Variants in PANX1 observed in about 807,000 individuals in gnomAD.
PANX1 encodes pannexin-1.
PANX1 carries 30 observed loss-of-function variants against 38.7 expected under a neutral mutation model. That is an observed-to-expected ratio of 0.78 (90% CI 0.58 to 1.05). The LOEUF is 1.05. Among genes scored for constraint, PANX1 ranks in the 50% least tolerant of loss-of-function variants. The pLI is 0.00. For missense variants in PANX1, 551 were observed against 517.2 expected (o/e 1.07, Z -0.63); for synonymous variants, 230 against 212.2 (o/e 1.08, Z -0.73).
chr11:94,161,150 C>T (rs1004569501), intron 2 of PANX1, among the ~76,000 whole-genome samples: 5 of 152,274 alleles, frequency 3.3e-5, no homozygotes, highest in Middle Eastern at 3.4e-3. Context: ...CTCTGGCTGC[C>T]CTTAACATTT....
intron 1 of PANX1, among the ~76,000 whole-genome samples, chr11:94,142,304 A>T (rs1460541397): frequency 6.6e-6 from 1 of 152,160 alleles, no homozygotes; most frequent in Non-Finnish European, 1.5e-5. Flanking sequence ...GTCATTAGGA[A>T]CATGGGTGTA....
chr11:94,135,876 T>C (rs911124867), intron 1 of PANX1, among the ~76,000 whole-genome samples: 2 of 152,254 alleles, frequency 1.3e-5, no homozygotes, highest in Non-Finnish European at 2.9e-5. Context: ...AGTGGCTTGC[T>C]TTTTCTCACT....
At chr11:94,160,922 G>T (rs1421687356) in intron 2 of PANX1, among the ~76,000 whole-genome samples, 1 of 152,060 alleles carries the variant, frequency 6.6e-6, no homozygotes, top group Non-Finnish European at 1.5e-5. Context: ...CAGGCCTGGT[G>T]GTGACAAAAT....
chr11:94,148,467 G>GTGCT (rs1278129575), intron 1 of PANX1, among the ~76,000 whole-genome samples: 4 of 152,222 alleles, frequency 2.6e-5, no homozygotes, highest in Non-Finnish European at 5.9e-5. Context: ...ATCCTTCTGA[G>GTGCT]TGCTTGTTGG....
In PANX1 at chr11:94,178,313, A is replaced by G. The variant is rs1417412564; in HGVS notation, c.322-56A>G. The G allele has an allele frequency of 6.7e-6, 9 of 1,334,214 alleles. No homozygotes were observed. In the East Asian group the frequency reaches 1.8e-4, roughly 27 times the overall value. The allele number at this position is 1,334,214 out of a possible 1,614,324, so 82.6% of individuals were successfully genotyped here. ...GAAAATGAGAGCATCACTTGGCGCC[A>G]TAGGTTACTGCATGGGGGGTTTGTT... is the stretch of plus-strand genomic sequence containing the variant. On this transcript the variant is annotated intron_variant, in intron 2 of 4. Coordinates refer to ENST00000227638, the MANE Select transcript of PANX1 (RefSeq NM_015368.4).
At chr11:94,154,718 TTGTG>T (rs1055640048) in intron 2 of PANX1, among the ~76,000 whole-genome samples, 109 of 152,090 alleles carry the variant, frequency 7.2e-4, no homozygotes, top group African/African-American at 2.5e-3. Flanking sequence ...AGTCAAAAAT[TTGTG>T]TGTAACATTT....
intron 1 of PANX1, among the ~76,000 whole-genome samples, chr11:94,153,095 A>G (rs528235757): frequency 6.6e-6 from 1 of 151,888 alleles, no homozygotes; most frequent in East Asian, 1.9e-4. Context: ...TTTTAGTCCA[A>G]TTTTCCGCAT....
chr11:94,148,077 T>C (rs936166119), intron 1 of PANX1, among the ~76,000 whole-genome samples: 4 of 152,146 alleles, frequency 2.6e-5, no homozygotes, highest in African/African-American at 7.2e-5. Context: ...AAAAGAAGTA[T>C]TTCAATTCCA....
At chr11:94,178,768 A>G (rs1195939924) in intron 3 of PANX1, among the ~76,000 whole-genome samples, 176 bp downstream of exon 3, 5 of 151,960 alleles carry the variant, frequency 3.3e-5, no homozygotes, top group Non-Finnish European at 5.9e-5. Context: ...CTCTCCCCAA[A>G]TCTCACCGCG....
intron 2 of PANX1, among the ~76,000 whole-genome samples, chr11:94,156,331 C>A (rs1031635583): frequency 3.3e-5 from 5 of 152,134 alleles, no homozygotes; most frequent in African/African-American, 1.2e-4. Context: ...GATTAAGAAA[C>A]CCTCTTTCTG....
chr11:94,168,165 G>T (rs1265273177), intron 2 of PANX1, among the ~76,000 whole-genome samples: 1 of 152,110 alleles, frequency 6.6e-6, no homozygotes, highest in Admixed American at 6.6e-5. Flanking sequence ...GGAACAAGCT[G>T]GGTGACAACT....
intron 1 of PANX1, among the ~76,000 whole-genome samples, chr11:94,134,507 G>A (rs572182450): frequency 1.5e-4 from 23 of 152,138 alleles, no homozygotes; most frequent in Admixed American, 9.8e-4. Context: ...TTCATATGTC[G>A]AAGTCCTGAT....
intron 1 of PANX1, among the ~76,000 whole-genome samples, chr11:94,140,647 T>G (rs1946751453): frequency 6.6e-6 from 1 of 152,220 alleles, no homozygotes; most frequent in African/African-American, 2.4e-5. Flanking sequence ...CATCCTTGCA[T>G]GTGCTTCTTT....
chr11:94,143,438 A>G (rs770287858), intron 1 of PANX1, among the ~76,000 whole-genome samples: 21 of 152,344 alleles, frequency 1.4e-4, no homozygotes, highest in Non-Finnish European at 2.4e-4. Context: ...TTCTATCTCC[A>G]GTGCTTACCA....
intron 2 of PANX1, chr11:94,175,791 C>T: frequency 2.0e-6 from 2 of 984,758 alleles, no homozygotes; most frequent in Non-Finnish European, 1.2e-6. Context: ...TCACAGCCTG[C>T]TTTGTGTGTC....
chr11:94,174,489 T>C (rs569666400), intron 2 of PANX1, among the ~76,000 whole-genome samples: 1 of 151,798 alleles, frequency 6.6e-6, no homozygotes, highest in African/African-American at 2.4e-5. Context: ...TAAGACATAG[T>C]TCAGGTGTTA....
intron 1 of PANX1, among the ~76,000 whole-genome samples, chr11:94,152,685 G>A (rs949599968): frequency 3.9e-5 from 6 of 152,200 alleles, no homozygotes; most frequent in African/African-American, 1.4e-4. Context: ...TCCCTCCATG[G>A]CCTGTGTGTG....
At position 94,129,136 on chromosome 11, in the gene PANX1, C is replaced by G; in HGVS notation, c.-177C>G. ...GCGGCGGAGGCAGCGAGCGCGAGAG[C>G]CCAGCGGAGTCGCTGGGAGCCTGAG... is the stretch of plus-strand genomic sequence containing the variant. On this transcript the variant is annotated 5_prime_UTR_variant, in exon 1 of 5. Transcript: ENST00000227638. 1 of 507,876 alleles carries G rather than the reference C, an allele frequency of 2.0e-6. No homozygotes were observed. The allele number at this position is 507,876 out of a possible 1,614,324, so 31.5% of individuals were successfully genotyped here. A position where few individuals can be genotyped will look rare whatever the true frequency, so the allele number is the denominator to read the frequency against.
At chr11:94,178,031 A>G (rs576416560) in intron 2 of PANX1, among the ~76,000 whole-genome samples, 2 of 148,374 alleles carry the variant, frequency 1.3e-5, no homozygotes, top group Admixed American at 6.7e-5. Context: ...CCTTCGTGAT[A>G]GCTGCAGGTT....
Sources: allele counts gnomAD v4.1 joint callset (sites outside exome capture counted in the v4.1 genomes callset), GRCh38; gene constraint gnomAD v4.1.1; transcripts MANE v1.5; gene names NCBI Gene and HGNC (gene_info 2026-07-23, HGNC 2026-07-21).